The following EXT1 variants were observed in gnomAD, a reference collection of about 807,000 sequenced individuals.
The protein encoded by EXT1 is exostosin-1.
In EXT1, 20 loss-of-function variants were observed where a neutral mutation model predicts 82.5. That is an observed-to-expected ratio of 0.24 (90% CI 0.17 to 0.35). The LOEUF (loss-of-function observed/expected upper bound fraction) is 0.35, where lower values mean the gene tolerates loss of function less well. Ranked by LOEUF, EXT1 falls within the 10% of genes least tolerant of loss-of-function variation. The pLI is 1.00. For missense variants in EXT1, 757 were observed against 936.5 expected (o/e 0.81, Z 2.50); for synonymous variants, 348 against 350.8 (o/e 0.99, Z 0.09).
At chr8:117,909,549 C>T (rs1813606627) in intron 1 of EXT1, among the ~76,000 whole-genome samples, 1 of 151,984 alleles carries the variant, frequency 6.6e-6, no homozygotes, top group African/African-American at 2.4e-5. Flanking sequence ...ATATTTATTT[C>T]AAGTTTACAA....
intron 1 of EXT1, among the ~76,000 whole-genome samples, chr8:117,945,947 G>T (rs1045466843): frequency 2.0e-5 from 3 of 152,182 alleles, no homozygotes; most frequent in African/African-American, 7.2e-5. Context: ...CTTTTGCCCA[G>T]GCTGGAGTGC....
At chr8:117,962,751 C>T (rs1814726453) in intron 1 of EXT1, among the ~76,000 whole-genome samples, 1 of 135,248 alleles carries the variant, frequency 7.4e-6, no homozygotes, top group Non-Finnish European at 1.5e-5. Context: ...AGACTCCATC[C>T]CCCCACACCC....
rs1486110913 is a variant in EXT1 at position 117,798,529 on chromosome 8, A to G, written c.*1183T>C. 6.6e-6 allele frequency: 1 copy of G among 152,226 alleles called. No homozygotes were observed. The highest frequency in any genetic ancestry group is 1.5e-5 in the Non-Finnish European group (1 of 68,038). The allele number at this position is 152,226 out of a possible 1,614,324, so 9.4% of individuals were successfully genotyped here. A position where few individuals can be genotyped will look rare whatever the true frequency, so the allele number is the denominator to read the frequency against. ...AAACTTTTCCACAGATTTAAAAATT[A>G]AAAGTAAATGAAACTATATTCACAT... On this transcript the variant is annotated 3_prime_UTR_variant, in exon 11 of 11. Coordinates refer to ENST00000378204, the MANE Select transcript of EXT1 (RefSeq NM_000127.3).
At chr8:117,812,762 A>C in intron 8 of EXT1, 110 bp downstream of exon 8, 1 of 1,049,868 alleles carries the variant, frequency 9.5e-7, no homozygotes, top group Non-Finnish European at 1.4e-6. Context: ...AAGTTTTGAA[A>C]AATGTTTTCA....
At chr8:117,825,309 A>G (rs1811992143) in intron 4 of EXT1, among the ~76,000 whole-genome samples, 2 of 151,974 alleles carry the variant, frequency 1.3e-5, no homozygotes, top group African/African-American at 4.8e-5. Context: ...TCATTTCACC[A>G]TATAGAAAGA....
At chr8:118,011,213 A>T (rs1232447267) in intron 1 of EXT1, among the ~76,000 whole-genome samples, 1 of 152,148 alleles carries the variant, frequency 6.6e-6, no homozygotes, top group Non-Finnish European at 1.5e-5. Context: ...GCCTGACATT[A>T]AAAGTGTACT....
intron 4 of EXT1, among the ~76,000 whole-genome samples, 158 bp from the exon 5 acceptor site, chr8:117,822,755 G>A (rs867094721): frequency 6.6e-6 from 1 of 152,174 alleles, no homozygotes; most frequent in Non-Finnish European, 1.5e-5. Context: ...GCAAGACAGA[G>A]AGAGTAATGG....
At chr8:118,000,538 T>A (rs1327015815) in intron 1 of EXT1, among the ~76,000 whole-genome samples, 1 of 152,226 alleles carries the variant, frequency 6.6e-6, no homozygotes, top group Admixed American at 6.5e-5. Flanking sequence ...GGCAATGTCT[T>A]AGCTGTAGCT....
intron 1 of EXT1, among the ~76,000 whole-genome samples, chr8:118,047,527 T>G (rs1816641299): frequency 6.6e-6 from 1 of 152,134 alleles, no homozygotes; most frequent in Non-Finnish European, 1.5e-5. Context: ...CCTCCCAAGC[T>G]AAGGACTAAA....
intron 1 of EXT1, among the ~76,000 whole-genome samples, chr8:117,964,623 G>T (rs554608323): frequency 4.7e-5 from 7 of 149,730 alleles, no homozygotes; most frequent in Non-Finnish European, 1.0e-4. Context: ...GTGTGTGTGT[G>T]TGTTTGTTTG....
chr8:118,056,383 A>G (rs1053806933), intron 1 of EXT1, among the ~76,000 whole-genome samples: 2 of 152,212 alleles, frequency 1.3e-5, no homozygotes, highest in African/African-American at 4.8e-5. Flanking sequence ...CTCCCTGTGA[A>G]TCATCTGATT....
intron 1 of EXT1, among the ~76,000 whole-genome samples, chr8:118,041,964 AG>A (rs1816540517): frequency 6.6e-6 from 1 of 151,060 alleles, no homozygotes; most frequent in Non-Finnish European, 1.5e-5. Flanking sequence ...AAAAAAAAAA[AG>A]AAAGAAAAGG....
Position 117,979,259 on chromosome 8 carries a change from C to T in EXT1, c.962+130826G>A, listed in dbSNP as rs148766967. On this transcript the variant is annotated intron_variant, in intron 1 of 10. Coordinates refer to ENST00000378204, the MANE Select transcript of EXT1 (RefSeq NM_000127.3). ...GTCCCAGCTACTCGGGAGGCTGAGG[C>T]AGAAGAATTGCTTGAACCCAGGAGG... 2.4e-4 allele frequency among the ~76,000 whole-genome samples: 37 copies of T among 151,866 alleles called. 1 individual carries two copies. The East Asian group carries it at 7.2e-3, about 29-fold the overall frequency.
intron 1 of EXT1, among the ~76,000 whole-genome samples, chr8:117,867,990 T>G (rs1477168045): frequency 2.6e-5 from 4 of 152,208 alleles, no homozygotes; most frequent in Non-Finnish European, 5.9e-5. Context: ...CACTTTTAAT[T>G]ATCTGTCTCA....
intron 1 of EXT1, among the ~76,000 whole-genome samples, chr8:117,958,921 C>G (rs1191619288): frequency 2.0e-5 from 3 of 152,166 alleles, no homozygotes; most frequent in Non-Finnish European, 4.4e-5. Context: ...TCCCATTTTA[C>G]TCCACATGCA....
intron 8 of EXT1, among the ~76,000 whole-genome samples, chr8:117,810,005 A>G (rs1823296027): frequency 6.6e-6 from 1 of 152,212 alleles, no homozygotes; most frequent in Non-Finnish European, 1.5e-5. Context: ...AAGTCATTTC[A>G]AAGGAACTCA....
chr8:118,087,285 G>A (rs1467812562), intron 1 of EXT1, among the ~76,000 whole-genome samples: 1 of 152,126 alleles, frequency 6.6e-6, no homozygotes, highest in African/African-American at 2.4e-5. Flanking sequence ...CCCTGAAATT[G>A]AATCCAATGC....
chr8:118,013,395 G>A (rs955194752), intron 1 of EXT1, among the ~76,000 whole-genome samples: 1 of 152,166 alleles, frequency 6.6e-6, no homozygotes, highest in Non-Finnish European at 1.5e-5. Flanking sequence ...TTTTAGTAGA[G>A]ACGGGGTTTT....
chr8:118,101,963 A>C (rs1340148446), intron 1 of EXT1, among the ~76,000 whole-genome samples: 3 of 152,074 alleles, frequency 2.0e-5, no homozygotes, highest in South Asian at 2.1e-4. Flanking sequence ...AAAAAAAAAA[A>C]AACAAGTTAA....
Sources: gnomAD v4.1 joint callset for allele counts (sites outside exome capture counted in the v4.1 genomes callset) on GRCh38, gnomAD v4.1.1 for gene constraint, MANE v1.5 for transcripts, NCBI Gene and HGNC (gene_info 2026-07-23, HGNC 2026-07-21) for gene names.